Variants in SOX11 observed in about 807,000 individuals in gnomAD.
The protein encoded by SOX11 is transcription factor SOX-11.
Under a neutral mutation model 16.7 loss-of-function variants are expected in SOX11, and 5 were observed. The ratio of observed to expected loss-of-function variants is 0.30; its 90% confidence interval spans 0.16 to 0.63. SOX11 has a LOEUF of 0.63. Among genes scored for constraint, SOX11 ranks in the 20% least tolerant of loss-of-function variants. The pLI, the probability that SOX11 is intolerant of heterozygous loss-of-function variation, is 0.82. For synonymous variants in SOX11, 363 were observed against 298.8 expected, an observed-to-expected ratio of 1.21 and a Z score of -2.22; for missense variants, 492 against 641.5, an observed-to-expected ratio of 0.77 and a Z score of 2.52.
chr2:5,693,235 G>T lies in SOX11; in HGVS notation c.514G>T (p.Ala172Ser). Residue 172 changes from alanine (A) to serine (S), a missense_variant, in exon 1 of 1, where the codon GCC (alanine) becomes TCC (serine). Transcript: ENST00000322002. The surrounding 1 kb of genome is among the most constrained non-coding windows in gnomAD (Gnocchi z 8.6). ...GSSKKCGKLK[A>S]PAAAGAKAGA... The stretch of plus-strand genomic sequence containing the variant: ...CAGCAAGAAATGCGGCAAGCTCAAG[G>T]CCCCCGCGGCCGCGGGCGCCAAGGC... 1 of 1,392,840 alleles carries T rather than the reference G, an allele frequency of 7.2e-7. No individual in the cohort carries two copies. Among genetic ancestry groups the T allele is most frequent in the Non-Finnish European group, 9.2e-7 (1 of 1,085,804 alleles). The allele number at this position is 1,392,840 out of a possible 1,614,324, so 86.3% of individuals were successfully genotyped here. A position where few individuals can be genotyped will look rare whatever the true frequency, so the allele number is the denominator to read the frequency against.
Position 5,693,156 on chromosome 2 carries a change from C to A in SOX11, c.435C>A (p.Gly145=), listed in dbSNP as rs776245912. ...GCCCAGAGAAGAGCGCGGCCGGCGG[C>A]GGCGGCGGGAGCGCGGGCGGAGGCG... ...SQSPEKSAAG[G]GGGSAGGGAG... is the part of the protein sequence containing the mutation. The change falls in exon 1 of 1, where the codon GGC becomes GGA. Residue 145 remains glycine (G), a synonymous_variant. Transcript: ENST00000322002. This position sits in a 1 kb window ranked among gnomAD's most constrained non-coding sequence, Gnocchi z 8.6. 8 of 1,591,168 alleles carry A rather than the reference C, an allele frequency of 5.0e-6. No individual in the cohort carries two copies. In the South Asian group the frequency reaches 8.9e-5, roughly 18 times the overall value.
chr2:5,698,603 A>G lies in SOX11; in HGVS notation c.*4556A>G, dbSNP rs1329146899. 6.0e-6 allele frequency: 1 copy of G among 167,076 alleles called. No homozygotes were observed. Among genetic ancestry groups the G allele is most frequent in the Admixed American group, 6.5e-5 (1 of 15,282 alleles). 10.3% of individuals were successfully genotyped at this position (167,076 alleles called of 1,614,324 possible). A position where few individuals can be genotyped will look rare whatever the true frequency, so the allele number is the denominator to read the frequency against. On this transcript the variant is annotated 3_prime_UTR_variant, in exon 1 of 1. Transcript: ENST00000322002. ...GCAGTGTACTTAAACTGTGCTTTGC[A>G]AATATTGTGTATGTTATGAATGACT...
At position 5,693,362 on chromosome 2, in the gene SOX11, G is replaced by C. The variant is rs1438003053; in HGVS notation, c.641G>C (p.Gly214Ala). 6.3e-7 allele frequency: 1 copy of C among 1,591,322 alleles called. No homozygotes were observed. Among genetic ancestry groups the C allele is most frequent in the Admixed American group, 1.7e-5 (1 of 59,250 alleles). ...AGCGGCTCGGGCGGCGGCGGCGCGG[G>C]CAAGACGGTCAAGTGCGTGTTTCTG... The part of the protein sequence containing the change: ...RVSGSGGGGA[G>A]KTVKCVFLDE... The change falls in exon 1 of 1, where the codon GGC (glycine) becomes GCC (alanine). Residue 214 changes from glycine (G) to alanine (A), a missense_variant. Physicochemically the swap from Gly to Ala is moderately conservative, Grantham distance 60. Transcript: ENST00000322002. This position sits in a 1 kb window ranked among gnomAD's most constrained non-coding sequence, Gnocchi z 8.6.
In SOX11 at chr2:5,698,218, CAT is replaced by C. The variant is rs1665775797; in HGVS notation, c.*4173_*4174del. ...TGAATTCTTTATTGAGTGTCTAAAA[CAT>C]AGTATAATACACATGGTATTCTTGC... On this transcript the variant is annotated 3_prime_UTR_variant, in exon 1 of 1. Coordinates refer to ENST00000322002, the MANE Select transcript of SOX11 (RefSeq NM_003108.4). The C allele has an allele frequency of 6.0e-6, 1 of 167,050 alleles. No individual in the cohort carries two copies. The highest frequency in any genetic ancestry group is 2.1e-4 in the South Asian group (1 of 4,830). The allele number at this position is 167,050 out of a possible 1,614,324, so 10.3% of individuals were successfully genotyped here.
At position 5,695,924 on chromosome 2, in the gene SOX11, C is replaced by G. The variant is rs780940726; in HGVS notation, c.*1877C>G. ...CTCCTCCACTCCCTGCCTCTTCTCCCCACCCATCCTGGCGGGCGGGCTGCG... is the reference window on the plus strand; with the variant it reads ...CTCCTCCACTCCCTGCCTCTTCTCCGCACCCATCCTGGCGGGCGGGCTGCG... On this transcript the variant is annotated 3_prime_UTR_variant, in exon 1 of 1. Transcript: ENST00000322002. 2 of 167,392 alleles carry G rather than the reference C, an allele frequency of 1.2e-5. No homozygotes were observed. The highest frequency in any genetic ancestry group is 4.8e-5 in the African/African-American group (2 of 41,474). The allele number at this position is 167,392 out of a possible 1,614,324, so 10.4% of individuals were successfully genotyped here.
Position 5,693,318 on chromosome 2 carries a change from G to A in SOX11, c.597G>A (p.Val199=). The change falls in exon 1 of 1, where the codon GTG becomes GTA. Residue 199 remains valine (V), a synonymous_variant. Transcript: ENST00000322002. This position sits in a 1 kb window ranked among gnomAD's most constrained non-coding sequence, Gnocchi z 8.6. ...ACGGGGGCGCGGGCGACGACTACGT[G>A]CTGGGCAGCCTGCGCGTGAGCGGCT... is the stretch of plus-strand genomic sequence containing the variant. ...GDYGGAGDDY[V]LGSLRVSGSG... 1 of 1,583,952 alleles carries A rather than the reference G, an allele frequency of 6.3e-7. No individual in the cohort carries two copies. The highest frequency in any genetic ancestry group is 8.5e-7 in the Non-Finnish European group (1 of 1,173,738).
rs999860564 is a variant in SOX11 at position 5,699,780 on chromosome 2, C to A, written c.*5733C>A. The A allele has an allele frequency of 6.1e-6, 1 of 164,434 alleles. No homozygotes were observed. Among genetic ancestry groups the A allele is most frequent in the African/African-American group, 2.5e-5 (1 of 40,460 alleles). 10.2% of individuals were successfully genotyped at this position (164,434 alleles called of 1,614,324 possible). A position where few individuals can be genotyped will look rare whatever the true frequency, so the allele number is the denominator to read the frequency against. The stretch of plus-strand genomic sequence containing the variant: ...TTTCATTGTACTTTTTTAACACTAC[C>A]TATATCCATTAGCTGCCTAATTAGT... On this transcript the variant is annotated 3_prime_UTR_variant, in exon 1 of 1. Transcript: ENST00000322002.
rs745330987 is a variant in SOX11 at position 5,695,464 on chromosome 2, C to A, written c.*1417C>A. 5 of 165,204 alleles carry A rather than the reference C, an allele frequency of 3.0e-5. No homozygotes were observed. Among genetic ancestry groups the A allele is most frequent in the African/African-American group, 4.9e-5 (2 of 41,016 alleles). 10.2% of individuals were successfully genotyped at this position (165,204 alleles called of 1,614,324 possible). A position where few individuals can be genotyped will look rare whatever the true frequency, so the allele number is the denominator to read the frequency against. Reference sequence around the variant, plus strand: ...AAAAGGCACATAGTTTAAAAAGTTTCTCATTTTGTGCAATATAATCTAAAT... The same window carrying A: ...AAAAGGCACATAGTTTAAAAAGTTTATCATTTTGTGCAATATAATCTAAAT... On this transcript the variant is annotated 3_prime_UTR_variant, in exon 1 of 1. Coordinates refer to ENST00000322002, the MANE Select transcript of SOX11 (RefSeq NM_003108.4).
rs1435531266 is a variant in SOX11, at chr2:5,693,614, G to T, written c.893G>T (p.Arg298Leu). 4 of 1,567,948 alleles carry T rather than the reference G, an allele frequency of 2.6e-6. No homozygotes were observed. The highest frequency in any genetic ancestry group is 3.4e-6 in the Non-Finnish European group (4 of 1,164,848). The change falls in exon 1 of 1, where the codon CGG (arginine) becomes CTG (leucine). Residue 298 changes from arginine to leucine, a missense_variant. Arg to Leu is a moderately radical substitution (Grantham distance 102). Around this residue, in one of 4 missense-constraint regions of SOX11, gnomAD observed 389 missense variants for 389.0 expected, o/e 1.00. Coordinates refer to ENST00000322002, the MANE Select transcript of SOX11 (RefSeq NM_003108.4). The surrounding 1 kb of genome is among the most constrained non-coding windows in gnomAD (Gnocchi z 8.6). The part of the protein sequence containing the change: ...PEGASLYDEV[R>L]AGATSGAGGG... ...GGAGCGAGCCTCTACGACGAGGTGC[G>T]GGCCGGCGCGACCTCGGGCGCCGGG...
Position 5,692,536 on chromosome 2 carries a change from C to T in SOX11, c.-186C>T. The T allele has an allele frequency of 2.0e-6, 1 of 495,028 alleles. No homozygotes were observed. The highest frequency in any genetic ancestry group is 3.3e-6 in the Non-Finnish European group (1 of 300,168). 30.7% of individuals were successfully genotyped at this position (495,028 alleles called of 1,614,324 possible). On this transcript the variant is annotated 5_prime_UTR_variant, in exon 1 of 1. Coordinates refer to ENST00000322002, the MANE Select transcript of SOX11 (RefSeq NM_003108.4). ...CTCCCACCGCGCCGGCGGCCGTCGT[C>T]GCCGAAGCCACCACAGCCGCTGTGT...
chr2:5,694,210 A>T lies in SOX11; in HGVS notation c.*163A>T, dbSNP rs920818454. The T allele has an allele frequency of 8.8e-6, 8 of 914,142 alleles. No individual in the cohort carries two copies. Among genetic ancestry groups the T allele is most frequent in the Non-Finnish European group, 1.3e-5 (8 of 639,346 alleles). 56.6% of individuals were successfully genotyped at this position (914,142 alleles called of 1,614,324 possible). ...AGAGAAGAAGATGCTGATGATATTG[A>T]TAAGATGTCGTGACGCAAAGAAATT... On this transcript the variant is annotated 3_prime_UTR_variant, in exon 1 of 1. Transcript: ENST00000322002.
rs1665688237 is a variant in SOX11 at position 5,694,128 on chromosome 2, G to GATGATA, written c.*87_*92dup. 3 of 1,452,400 alleles carry GATGATA rather than the reference G, an allele frequency of 2.1e-6. No homozygotes were observed. Among genetic ancestry groups the GATGATA allele is most frequent in the Non-Finnish European group, 1.8e-6 (2 of 1,094,058 alleles). 90.0% of individuals were successfully genotyped at this position (1,452,400 alleles called of 1,614,324 possible). ...AGGAAGTTGTAGTGGTGATGATGATGATGATAATGATGATGATGATGGTGG... is the reference window on the plus strand; with the variant it reads ...AGGAAGTTGTAGTGGTGATGATGATGATGATAATGATAATGATGATGATGATGGTGG... On this transcript the variant is annotated 3_prime_UTR_variant, in exon 1 of 1. Coordinates refer to ENST00000322002, the MANE Select transcript of SOX11 (RefSeq NM_003108.4).
chr2:5,692,701 C>G lies in SOX11; in HGVS notation c.-21C>G, dbSNP rs1427962118. 1 of 1,540,954 alleles carries G rather than the reference C, an allele frequency of 6.5e-7. No individual in the cohort carries two copies. The highest frequency in any genetic ancestry group is 8.8e-7 in the Non-Finnish European group (1 of 1,139,510). ...CGAGACCCAGCGGCCCGGGTTGGAG[C>G]GTCCAGCCCTGCAGCGGATCATGGT... is the stretch of plus-strand genomic sequence containing the variant. On this transcript the variant is annotated 5_prime_UTR_variant, in exon 1 of 1. Coordinates refer to ENST00000322002, the MANE Select transcript of SOX11 (RefSeq NM_003108.4).
Position 5,694,214 on chromosome 2 carries a change from G to A in SOX11, c.*167G>A, listed in dbSNP as rs1665690154. The A allele has an allele frequency of 1.0e-5, 9 of 891,644 alleles. No individual in the cohort carries two copies. The highest frequency in any genetic ancestry group is 6.9e-5 in the Admixed American group (2 of 28,854). The allele number at this position is 891,644 out of a possible 1,614,324, so 55.2% of individuals were successfully genotyped here. Reference sequence around the variant, plus strand: ...AAGAAGATGCTGATGATATTGATAAGATGTCGTGACGCAAAGAAATTGGAA... The same window carrying A: ...AAGAAGATGCTGATGATATTGATAAAATGTCGTGACGCAAAGAAATTGGAA... On this transcript the variant is annotated 3_prime_UTR_variant, in exon 1 of 1. Transcript: ENST00000322002.
chr2:5,692,657 G>A lies in SOX11; in HGVS notation c.-65G>A. The A allele has an allele frequency of 2.9e-6, 4 of 1,375,908 alleles. No homozygotes were observed. Among genetic ancestry groups the A allele is most frequent in the Non-Finnish European group, 2.9e-6 (3 of 1,022,030 alleles). 85.2% of individuals were successfully genotyped at this position (1,375,908 alleles called of 1,614,324 possible). A position where few individuals can be genotyped will look rare whatever the true frequency, so the allele number is the denominator to read the frequency against. ...GCCCAGGAAGGTGGAGGGGTGGGAGGGGGAGGGGGACCTCCGCACGAGACC... is the reference window on the plus strand; with the variant it reads ...GCCCAGGAAGGTGGAGGGGTGGGAGAGGGAGGGGGACCTCCGCACGAGACC... On this transcript the variant is annotated 5_prime_UTR_variant, in exon 1 of 1. Coordinates refer to ENST00000322002, the MANE Select transcript of SOX11 (RefSeq NM_003108.4).
chr2:5,693,279 C>T lies in SOX11; in HGVS notation c.558C>T (p.Ala186=), dbSNP rs1254668937. Residue 186 remains alanine, a synonymous_variant, in exon 1 of 1, where the codon GCC becomes GCT. Coordinates refer to ENST00000322002, the MANE Select transcript of SOX11 (RefSeq NM_003108.4). The surrounding 1 kb of genome is among the most constrained non-coding windows in gnomAD (Gnocchi z 8.6). ...CCAAGGCGGGCGCGGGCAAGGCGGC[C>T]CAGTCCGGGGACTACGGGGGCGCGG... ...AGAKAGAGKA[A]QSGDYGGAGD... 1 of 1,453,926 alleles carries T rather than the reference C, an allele frequency of 6.9e-7. No individual in the cohort carries two copies. Among genetic ancestry groups the T allele is most frequent in the Non-Finnish European group, 9.0e-7 (1 of 1,111,038 alleles). The allele number at this position is 1,453,926 out of a possible 1,614,324, so 90.1% of individuals were successfully genotyped here.
At position 5,698,029 on chromosome 2, in the gene SOX11, AT is replaced by A. The variant is rs5829023; in HGVS notation, c.*3994del. The A allele has an allele frequency of 0.42, 67,181 of 161,800 alleles. 13,697 individuals are homozygous for A. The highest frequency in any genetic ancestry group is 0.54 in the Admixed American group (8,211 of 15,148). The allele number at this position is 161,800 out of a possible 1,614,324, so 10.0% of individuals were successfully genotyped here. ...TTCAGAATGGGAAGAGATAGTCAAG[AT>A]TTTTTTTTTTTAAAGCCATGTGGCC... On this transcript the variant is annotated 3_prime_UTR_variant, in exon 1 of 1. Transcript: ENST00000322002.
In SOX11 at chr2:5,701,347, G is replaced by A. The variant is rs1665838168; in HGVS notation, c.*7300G>A. The A allele has an allele frequency of 6.0e-6, 1 of 166,996 alleles. No individual in the cohort carries two copies. Among genetic ancestry groups the A allele is most frequent in the Admixed American group, 6.5e-5 (1 of 15,282 alleles). The allele number at this position is 166,996 out of a possible 1,614,324, so 10.3% of individuals were successfully genotyped here. A position where few individuals can be genotyped will look rare whatever the true frequency, so the allele number is the denominator to read the frequency against. ...GAGTTTTTCACAGAGGATTACATTT[G>A]TTCAAAAGACTCTAATAAAATTGTG... On this transcript the variant is annotated 3_prime_UTR_variant, in exon 1 of 1. Coordinates refer to ENST00000322002, the MANE Select transcript of SOX11 (RefSeq NM_003108.4).
rs1372556327 is a variant in SOX11 at position 5,694,950 on chromosome 2, G to A, written c.*903G>A. 1 of 166,520 alleles carries A rather than the reference G, an allele frequency of 6.0e-6. No individual in the cohort carries two copies. Among genetic ancestry groups the A allele is most frequent in the Non-Finnish European group, 1.5e-5 (1 of 68,026 alleles). The allele number at this position is 166,520 out of a possible 1,614,324, so 10.3% of individuals were successfully genotyped here. On this transcript the variant is annotated 3_prime_UTR_variant, in exon 1 of 1. Transcript: ENST00000322002. ...GACAGCCTAGACCTCAGTACAAAAGGTATTGAAACATTTTTGATACATAAC... is the reference window on the plus strand; with the variant it reads ...GACAGCCTAGACCTCAGTACAAAAGATATTGAAACATTTTTGATACATAAC...
Sources: gnomAD v4.1 joint callset for allele counts on GRCh38, gnomAD v4.1.1 for gene constraint, gnomAD v4.1.1 regional missense constraint, Gnocchi (gnomAD v3.1) non-coding constraint, MANE v1.5 for transcripts, NCBI Gene and HGNC (gene_info 2026-07-23, HGNC 2026-07-21) for gene names.